CEP350: variants seen among roughly 807,000 people sequenced by gnomAD.
CEP350 encodes the protein centrosome-associated protein 350.
CEP350 carries 126 observed loss-of-function variants against 331.8 expected under a neutral mutation model. The ratio of observed to expected loss-of-function variants is 0.38; its 90% CI spans 0.33 to 0.44. The LOEUF is 0.44. Among genes scored for constraint, CEP350 ranks in the 20% least tolerant of loss-of-function variants. CEP350 has a pLI of 1.00. For synonymous variants in CEP350, 1,200 were observed against 1,259.5 expected (o/e 0.95, Z 1.00); for missense variants, 3,406 against 3,634.6 (o/e 0.94, Z 1.62).
chr1:180,104,025 T>A (rs993760365), intron 37 of CEP350, among the ~76,000 whole-genome samples: 2 of 144,340 alleles, frequency 1.4e-5, no homozygotes, highest in African/African-American at 2.6e-5. Flanking sequence ...ATATATATTT[T>A]AAAATATATA....
chr1:179,989,309 A>C (rs1652878401), intron 3 of CEP350, among the ~76,000 whole-genome samples: 1 of 151,610 alleles, frequency 6.6e-6, no homozygotes, highest in Non-Finnish European at 1.5e-5. Flanking sequence ...TTTAAACTCC[A>C]TCTCTACAAA....
intron 1 of CEP350, among the ~76,000 whole-genome samples, chr1:179,977,376 G>C (rs1236585072): frequency 6.6e-6 from 1 of 152,172 alleles, no homozygotes; most frequent in Non-Finnish European, 1.5e-5. Flanking sequence ...AAATGTTAGA[G>C]TTGAAGGAAG....
chr1:180,075,156 A>G lies in CEP350; in HGVS notation c.5702A>G (p.Asp1901Gly). ...GAAAAACAAGCTTTGGCTGCCTGGG[A>G]CAAAGAATTAATAAAACCCAAAACT... ...QMEKQALAAW[D>G]KELIKPKTPK... is the part of the protein sequence containing the mutation. The change falls in exon 28 of 38, where the codon GAC becomes GGC. Residue 1901 changes from aspartate to glycine, a missense_variant. By Grantham distance (94) the Asp-to-Gly change is moderately conservative (BLOSUM62 -1). Around this residue, in one of 5 missense-constraint regions of CEP350, gnomAD observed 1,415 missense variants for 1,512.3 expected, o/e 0.94. Coordinates refer to ENST00000367607, the MANE Select transcript of CEP350 (RefSeq NM_014810.5). 1 of 1,613,720 alleles carries G rather than the reference A, an allele frequency of 6.2e-7. No homozygotes were observed. The highest frequency in any genetic ancestry group is 8.5e-7 in the Non-Finnish European group (1 of 1,179,758).
In CEP350 at chr1:180,006,513, C is replaced by G. The variant is rs146044862; in HGVS notation, c.1192C>G (p.Pro398Ala). 220 of 1,555,594 alleles carry G rather than the reference C, an allele frequency of 1.4e-4. 2 individuals are homozygous for G. In the Middle Eastern group the frequency reaches 3.5e-3, roughly 25 times the overall value. Residue 398 changes from proline to alanine, a missense_variant, in exon 8 of 38, where the codon CCA becomes GCA. Pro to Ala is a conservative substitution (Grantham distance 27). Coordinates refer to ENST00000367607, the MANE Select transcript of CEP350 (RefSeq NM_014810.5). ...EKSKEKKVVKPVRKVQKVAQL... is the reference protein window; with the variant it reads ...EKSKEKKVVKAVRKVQKVAQL... ...AAGTAAAGAGAAGAAAGTAGTCAAGCCAGTACGAAAAGTCCAAAAAGTAGC... is the reference window on the plus strand; with the variant it reads ...AAGTAAAGAGAAGAAAGTAGTCAAGGCAGTACGAAAAGTCCAAAAAGTAGC...
Position 180,016,660 on chromosome 1 carries a change from GT to G in CEP350, c.2174+708del, listed in dbSNP as rs10660202. ...AAATCACTATCCAATTTTGGGTTATGTTTTTTTTTTTTTTTTTTGGAGACAG... is the reference window on the plus strand; with the variant it reads ...AAATCACTATCCAATTTTGGGTTATGTTTTTTTTTTTTTTTTTGGAGACAG... On this transcript the variant is annotated intron_variant, in intron 11 of 37. Transcript: ENST00000367607. Among the ~76,000 whole-genome samples the G allele has an allele frequency of 5.1e-3, 653 of 128,260 alleles. 3 individuals are homozygous for G. Among genetic ancestry groups the G allele is most frequent in the African/African-American group, 0.017 (592 of 33,870 alleles). The allele number at this position is 128,260 out of a possible 152,430, so 84.1% of individuals were successfully genotyped here. A position where few individuals can be genotyped will look rare whatever the true frequency, so the allele number is the denominator to read the frequency against.
chr1:180,048,320 TA>T (rs1657264746), intron 21 of CEP350, among the ~76,000 whole-genome samples: 1 of 152,162 alleles, frequency 6.6e-6, no homozygotes, highest in South Asian at 2.1e-4. Context: ...TATTATTATT[TA>T]AAAGTGAAAC....
chr1:180,073,802 C>T (rs1659046931), intron 27 of CEP350: 1 of 1,304,126 alleles, frequency 7.7e-7, no homozygotes, highest in Admixed American at 2.3e-5. Context: ...CTCTCCTGTT[C>T]ACTACTTCTT....
chr1:180,012,915 C>A (rs1363143339), intron 9 of CEP350, among the ~76,000 whole-genome samples: 1 of 152,112 alleles, frequency 6.6e-6, no homozygotes, highest in Non-Finnish European at 1.5e-5. Flanking sequence ...TTCCATCCTT[C>A]ACTGGAGAGT....
At chr1:180,104,952 C>T (rs1440088468) in intron 37 of CEP350, among the ~76,000 whole-genome samples, 1 of 152,106 alleles carries the variant, frequency 6.6e-6, no homozygotes, top group Non-Finnish European at 1.5e-5. Flanking sequence ...CATACCAACT[C>T]ATATTTCTTT....
chr1:180,103,894 T>A (rs2149179000), intron 37 of CEP350, among the ~76,000 whole-genome samples: 1 of 149,692 alleles, frequency 6.7e-6, no homozygotes, highest in East Asian at 1.9e-4. Flanking sequence ...TTTCTTTTGT[T>A]ATATTTTTAA....
chr1:180,053,813 C>T lies in CEP350; in HGVS notation c.5053C>T (p.Arg1685Ter). The change falls in exon 24 of 38, where the codon CGA becomes TGA. Residue 1685 changes from arginine to a stop codon, truncating the protein, a stop_gained. Transcript: ENST00000367607. LOFTEE classifies it high-confidence loss of function. The part of the protein sequence containing the change: ...SFSKFTMEMV[R>*]QYMKEEEMRA... ...TTCTAAATTTACTATGGAGATGGTT[C>T]GACAGTATATGAAAGAGGAAGAAAT... 1.2e-6 allele frequency: 2 copies of T among 1,609,044 alleles called. No homozygotes were observed. The highest frequency in any genetic ancestry group is 1.7e-6 in the Non-Finnish European group (2 of 1,176,630).
At position 180,112,294 on chromosome 1, in the gene CEP350, G is replaced by A. The variant is rs1661502046; in HGVS notation, c.*1133G>A. On this transcript the variant is annotated 3_prime_UTR_variant, in exon 38 of 38. Transcript: ENST00000367607. ...CATAGTCTTTGCACAGGAACCTGTG[G>A]TTTTAACAAACCAATACACATATTG... The A allele has an allele frequency of 6.6e-6, 1 of 152,522 alleles. No individual in the cohort carries two copies. Among genetic ancestry groups the A allele is most frequent in the African/African-American group, 2.4e-5 (1 of 41,436 alleles). The allele number at this position is 152,522 out of a possible 1,614,324, so 9.4% of individuals were successfully genotyped here.
intron 1 of CEP350, among the ~76,000 whole-genome samples, chr1:179,976,069 G>C (rs1651841171): frequency 6.6e-6 from 1 of 152,146 alleles, no homozygotes; most frequent in Non-Finnish European, 1.5e-5. Flanking sequence ...TAAGGTGAAA[G>C]TTTAAGATCC....
At chr1:180,016,633 C>A (rs577675433) in intron 11 of CEP350, among the ~76,000 whole-genome samples, 1 of 147,226 alleles carries the variant, frequency 6.8e-6, no homozygotes, top group African/African-American at 2.5e-5. Flanking sequence ...AAATAGAAAT[C>A]AAAATCACTA....
rs1659720195 is a variant in CEP350 at position 180,084,111 on chromosome 1, A to G, written c.6218A>G (p.Lys2073Arg). The G allele has an allele frequency of 6.3e-7, 1 of 1,591,886 alleles. No individual in the cohort carries two copies. The highest frequency in any genetic ancestry group is 1.7e-4 in the Middle Eastern group (1 of 6,040). ...KRKSVVNQLK[K>R]EQKKRQKERL... ...AAATCAGTTGTGAACCAGCTGAAGAAGGAACAGAAAAAAAGGCAAAAGGAA... is the reference window on the plus strand; with the variant it reads ...AAATCAGTTGTGAACCAGCTGAAGAGGGAACAGAAAAAAAGGCAAAAGGAA... Residue 2073 changes from lysine to arginine, a missense_variant, in exon 31 of 38, where the codon AAG becomes AGG. Around this residue, in one of 5 missense-constraint regions of CEP350, gnomAD observed 1,415 missense variants for 1,512.3 expected, o/e 0.94. Coordinates refer to ENST00000367607, the MANE Select transcript of CEP350 (RefSeq NM_014810.5).
At chr1:180,012,847 A>T (rs1654746827) in intron 9 of CEP350, among the ~76,000 whole-genome samples, 1 of 152,190 alleles carries the variant, frequency 6.6e-6, no homozygotes, top group African/African-American at 2.4e-5. Context: ...CCCAGTCTAA[A>T]GCCATGTTAT....
intron 33 of CEP350, 115 bp from the exon 34 acceptor site, chr1:180,092,499 T>C: frequency 1.6e-6 from 1 of 610,572 alleles, no homozygotes; most frequent in South Asian, 3.3e-5. Flanking sequence ...AGGTCATATT[T>C]ATTGACTAGA....
chr1:180,040,216 T>C (rs947544999), intron 17 of CEP350, among the ~76,000 whole-genome samples: 1 of 152,070 alleles, frequency 6.6e-6, no homozygotes, highest in South Asian at 2.1e-4. Flanking sequence ...CATTTCCAGA[T>C]GTTGCCTGGT....
chr1:180,053,706 A>T, intron 23 of CEP350, 44 bp from the exon 24 acceptor site: 1 of 1,234,868 alleles, frequency 8.1e-7, no homozygotes, highest in African/African-American at 1.5e-5. Context: ...TTAAGTACCA[A>T]AAGGTTAGAT....
Sources: gnomAD v4.1 joint callset for allele counts (sites outside exome capture counted in the v4.1 genomes callset) on GRCh38, gnomAD v4.1.1 for gene constraint, gnomAD v4.1.1 regional missense constraint, MANE v1.5 for transcripts, NCBI Gene and HGNC (gene_info 2026-07-23, HGNC 2026-07-21) for gene names.